ARHGEF10: variants seen among roughly 807,000 people sequenced by gnomAD.
ARHGEF10 encodes the protein Rho guanine nucleotide exchange factor 10.
In ARHGEF10, 140 loss-of-function variants were observed where a neutral mutation model predicts 147.4. That is an observed-to-expected ratio of 0.95 (90% CI 0.83 to 1.09). ARHGEF10 has a LOEUF of 1.09. Ranked by LOEUF, ARHGEF10 falls within the 50% of genes least tolerant of loss-of-function variation. The pLI is 0.00. For synonymous variants in ARHGEF10, 902 were observed against 695.8 expected, an observed-to-expected ratio of 1.30 and a Z score of -4.67; for missense variants, 2,222 against 1,752.7, an observed-to-expected ratio of 1.27 and a Z score of -4.78.
intron 2 of ARHGEF10, among the ~76,000 whole-genome samples, chr8:1,852,523 C>A (rs1306721295): frequency 4.0e-5 from 6 of 151,616 alleles, no homozygotes; most frequent in African/African-American, 1.5e-4. Flanking sequence ...TGAGGGCCCT[C>A]TAGAACCTCT....
At chr8:1,864,501 G>A in intron 5 of ARHGEF10, 65 bp downstream of exon 5, 2 of 1,526,594 alleles carry the variant, frequency 1.3e-6, no homozygotes, top group Non-Finnish European at 1.8e-6. Flanking sequence ...CTGGACGTGG[G>A]GATCCTGGTG....
At chr8:1,889,990 T>G (rs1809321438) in intron 11 of ARHGEF10, among the ~76,000 whole-genome samples, 5 of 138,958 alleles carry the variant, frequency 3.6e-5, no homozygotes, top group African/African-American at 1.5e-4. Flanking sequence ...CTGAGTGATG[T>G]GAGCAATCTG....
intron 8 of ARHGEF10, among the ~76,000 whole-genome samples, chr8:1,877,399 C>T (rs899083820): frequency 1.3e-5 from 2 of 151,860 alleles, no homozygotes; most frequent in Non-Finnish European, 2.9e-5. Context: ...AGCTAATTTT[C>T]GTATTTTTAT....
intron 15 of ARHGEF10, among the ~76,000 whole-genome samples, chr8:1,901,854 A>G (rs1461977307): frequency 6.6e-6 from 1 of 152,256 alleles, no homozygotes; most frequent in East Asian, 1.9e-4. Flanking sequence ...CAAACTGGAA[A>G]CATTTAATCA....
intron 26 of ARHGEF10, among the ~76,000 whole-genome samples, chr8:1,941,105 G>A (rs930087473): frequency 5.3e-5 from 8 of 152,168 alleles, no homozygotes; most frequent in Admixed American, 1.3e-4. Flanking sequence ...CAGTAGTACC[G>A]GAGGATCTGC....
chr8:1,856,388 G>A (rs1367248194), intron 2 of ARHGEF10, among the ~76,000 whole-genome samples: 1 of 152,234 alleles, frequency 6.6e-6, no homozygotes, highest in Non-Finnish European at 1.5e-5. Context: ...GCTGGATCCA[G>A]TTCACGCTGT....
intron 7 of ARHGEF10, among the ~76,000 whole-genome samples, chr8:1,873,488 G>A (rs565957453): frequency 2.8e-5 from 4 of 144,588 alleles, no homozygotes; most frequent in Non-Finnish European, 6.1e-5. Context: ...CGCCCGCGGG[G>A]TAGTGCACCC....
At position 1,862,268 on chromosome 8, in the gene ARHGEF10, G is replaced by C. The variant is rs141899578; in HGVS notation, c.481+2084G>C. Among the ~76,000 whole-genome samples, 1,292 of 152,364 alleles carry C rather than the reference G, an allele frequency of 8.5e-3. 18 individuals are homozygous for C. Among genetic ancestry groups the C allele is most frequent in the African/African-American group, 0.029 (1,204 of 41,590 alleles). Reference sequence around the variant, plus strand: ...TGGCTCTGCAGGGCTTCCCCGGGACGTACAGCCCAGCCAGGATCCCCAGGC... The same window carrying C: ...TGGCTCTGCAGGGCTTCCCCGGGACCTACAGCCCAGCCAGGATCCCCAGGC... On this transcript the variant is annotated intron_variant, in intron 4 of 28. Transcript: ENST00000349830.
intron 15 of ARHGEF10, among the ~76,000 whole-genome samples, chr8:1,899,300 A>T (rs977903342): frequency 1.3e-5 from 2 of 152,212 alleles, no homozygotes; most frequent in African/African-American, 4.8e-5. Context: ...TCCAGGGAGG[A>T]TATTTCAAAG....
intron 7 of ARHGEF10, chr8:1,869,666 A>T (rs1011074650): frequency 6.2e-6 from 2 of 321,422 alleles, no homozygotes; most frequent in Non-Finnish European, 1.2e-5. Flanking sequence ...CAGATTTTAG[A>T]CATAGAGATT....
chr8:1,926,698 C>G, intron 23 of ARHGEF10: 1 of 583,230 alleles, frequency 1.7e-6, no homozygotes, highest in Non-Finnish European at 3.1e-6. Flanking sequence ...AAAACATTTA[C>G]CAGATAAAGT....
At chr8:1,900,322 C>T (rs543493142) in intron 15 of ARHGEF10, among the ~76,000 whole-genome samples, 11 of 152,286 alleles carry the variant, frequency 7.2e-5, no homozygotes, top group East Asian at 1.9e-4. Context: ...GCAGCTCCCA[C>T]GTTTCCATCC....
intron 11 of ARHGEF10, among the ~76,000 whole-genome samples, chr8:1,887,394 G>T (rs1292959526): frequency 6.6e-6 from 1 of 152,230 alleles, no homozygotes; most frequent in Admixed American, 6.5e-5. Flanking sequence ...GGGGGTGAGT[G>T]TGAAAGAGGC....
At chr8:1,919,670 C>T (rs1426130616) in intron 18 of ARHGEF10, among the ~76,000 whole-genome samples, 4 of 144,706 alleles carry the variant, frequency 2.8e-5, no homozygotes, top group African/African-American at 1.1e-4. Context: ...AGTGATGGAG[C>T]TGTTCTATGG....
chr8:1,914,774 C>T (rs1185065702), intron 18 of ARHGEF10, among the ~76,000 whole-genome samples: 1 of 152,180 alleles, frequency 6.6e-6, no homozygotes, highest in Non-Finnish European at 1.5e-5. Context: ...CGCTGGTTTT[C>T]CTGTATGGCG....
chr8:1,833,103 C>CAGAG (rs1803334557), intron 1 of ARHGEF10, among the ~76,000 whole-genome samples: 1 of 13,516 alleles, frequency 7.4e-5, no homozygotes, highest in Non-Finnish European at 1.3e-4. Flanking sequence ...GGCAGAGAGA[C>CAGAG]AGAGACAGAG....
chr8:1,936,765 A>G (rs1813645908), intron 26 of ARHGEF10, among the ~76,000 whole-genome samples: 2 of 152,174 alleles, frequency 1.3e-5, no homozygotes, highest in African/African-American at 2.4e-5. Flanking sequence ...ATATTTGCAC[A>G]CACTGACGAG....
intron 21 of ARHGEF10, 27 bp from the exon 22 acceptor site, chr8:1,925,256 C>A: frequency 6.2e-7 from 1 of 1,614,026 alleles, no homozygotes; most frequent in Non-Finnish European, 8.5e-7. Flanking sequence ...TGCATTCTTG[C>A]TCATTTCTCT....
At chr8:1,952,157 G>C (rs576984078) in intron 27 of ARHGEF10, among the ~76,000 whole-genome samples, 1 of 152,322 alleles carries the variant, frequency 6.6e-6, no homozygotes, top group Admixed American at 6.5e-5. Flanking sequence ...TGTGTCCAGC[G>C]CTGAGGCTGT....
Sources: gnomAD v4.1 joint callset for allele counts (sites outside exome capture counted in the v4.1 genomes callset) on GRCh38, gnomAD v4.1.1 for gene constraint, MANE v1.5 for transcripts, NCBI Gene and HGNC (gene_info 2026-07-23, HGNC 2026-07-21) for gene names.